The following F13A1 variants were observed in gnomAD, a reference collection of about 807,000 sequenced individuals.
The protein encoded by F13A1 is FSF, A subunit.
F13A1 carries 47 observed loss-of-function variants against 80.1 expected under a neutral mutation model. The ratio of observed to expected loss-of-function variants is 0.59; its 90% CI spans 0.46 to 0.75. The LOEUF (loss-of-function observed/expected upper bound fraction) is 0.75. Among genes scored for constraint, F13A1 ranks in the 30% least tolerant of loss-of-function variants. The probability of loss-of-function intolerance (pLI) is 0.00; values close to 1 mark genes in which losing one functional copy is unlikely to be tolerated. For synonymous variants in F13A1, 349 were observed against 344.9 expected, an observed-to-expected ratio of 1.01 and a Z score of -0.13; for missense variants, 817 against 930.4, an observed-to-expected ratio of 0.88 and a Z score of 1.59.
In F13A1 at chr6:6,238,715, C is replaced by CATATATATATAT. The variant is rs4053228; in HGVS notation, c.798+9585_798+9596dup. Reference sequence around the variant, plus strand: ...AATCAGTAGACTTGAAAACATGCTGCATATATATATATATATATAGCCAAT... The same window carrying CATATATATATAT: ...AATCAGTAGACTTGAAAACATGCTGCATATATATATATATATATATATATATATATAGCCAAT... On this transcript the variant is annotated intron_variant, in intron 6 of 14. Transcript: ENST00000264870. Among the ~76,000 whole-genome samples the CATATATATATAT allele has an allele frequency of 1.2e-3, 182 of 146,038 alleles. 2 individuals carry two copies. Among genetic ancestry groups the CATATATATATAT allele is most frequent in the African/African-American group, 4.2e-3 (163 of 39,244 alleles).
chr6:6,251,557 C>A (rs991472371), intron 4 of F13A1, among the ~76,000 whole-genome samples: 1 of 152,128 alleles, frequency 6.6e-6, no homozygotes, highest in Non-Finnish European at 1.5e-5. Context: ...GGAGGATCAT[C>A]CTCCCCGTCT....
At chr6:6,228,392 C>T (rs1757305772) in intron 6 of F13A1, among the ~76,000 whole-genome samples, 1 of 152,066 alleles carries the variant, frequency 6.6e-6, no homozygotes, top group Non-Finnish European at 1.5e-5. Flanking sequence ...AGCTAGTCAA[C>T]AAAAACCTGA....
intron 4 of F13A1, among the ~76,000 whole-genome samples, chr6:6,260,469 C>T (rs1319528176): frequency 6.6e-6 from 1 of 152,180 alleles, no homozygotes; most frequent in Non-Finnish European, 1.5e-5. Flanking sequence ...CAGTCTCACC[C>T]CTCTCTTTTG....
intron 3 of F13A1, among the ~76,000 whole-genome samples, chr6:6,289,570 A>G (rs1758193511): frequency 6.6e-6 from 1 of 152,186 alleles, no homozygotes; most frequent in Admixed American, 6.5e-5. Flanking sequence ...ATCATTTATT[A>G]GTGAGATTTT....
chr6:6,167,727 G>T, intron 12 of F13A1, 109 bp from the exon 13 acceptor site: 1 of 1,256,302 alleles, frequency 8.0e-7, no homozygotes, highest in Non-Finnish European at 1.1e-6. Context: ...AAGCCACCAG[G>T]AACACAGCAA....
intron 12 of F13A1, among the ~76,000 whole-genome samples, chr6:6,173,982 T>C (rs1760827525): frequency 6.6e-6 from 1 of 152,204 alleles, no homozygotes; most frequent in Non-Finnish European, 1.5e-5. Context: ...TGCAGCTGGC[T>C]CATGGACCAC....
chr6:6,278,534 T>C (rs563925940), intron 3 of F13A1, among the ~76,000 whole-genome samples: 35 of 151,506 alleles, frequency 2.3e-4, no homozygotes, highest in African/African-American at 8.2e-4. Flanking sequence ...AGCAGGGGAA[T>C]TGGGGGAGGT....
chr6:6,292,948 A>T (rs1409330713), intron 3 of F13A1, among the ~76,000 whole-genome samples: 1 of 152,216 alleles, frequency 6.6e-6, no homozygotes, highest in Non-Finnish European at 1.5e-5. Context: ...AGGGTAGCAA[A>T]TGAAACATAA....
chr6:6,272,261 T>A (rs1757931264), intron 3 of F13A1, among the ~76,000 whole-genome samples: 1 of 152,214 alleles, frequency 6.6e-6, no homozygotes, highest in Non-Finnish European at 1.5e-5. Flanking sequence ...TCCTAGGTGG[T>A]GATTAGGTTC....
At chr6:6,158,363 T>C (rs1490100491) in intron 13 of F13A1, among the ~76,000 whole-genome samples, 1 of 152,170 alleles carries the variant, frequency 6.6e-6, no homozygotes, top group Non-Finnish European at 1.5e-5. Context: ...GGCCTCAGCT[T>C]CTTATGCAGT....
chr6:6,285,888 CA>C (rs2113149593), intron 3 of F13A1, among the ~76,000 whole-genome samples: 1 of 152,294 alleles, frequency 6.6e-6, no homozygotes. Context: ...CACTAAGAGC[CA>C]AAATGGCGGA....
chr6:6,260,463 C>G lies in F13A1; in HGVS notation c.571+6095G>C, dbSNP rs78282442. 6.3e-3 allele frequency among the ~76,000 whole-genome samples: 956 copies of G among 152,276 alleles called. 9 individuals are homozygous for G. Among genetic ancestry groups the G allele is most frequent in the African/African-American group, 0.022 (908 of 41,556 alleles). The stretch of plus-strand genomic sequence containing the variant: ...CTATCTTTTTCACTTGGGCGACAGT[C>G]TCACCCCTCTCTTTTGACCTACTTT... On this transcript the variant is annotated intron_variant, in intron 4 of 14. Coordinates refer to ENST00000264870, the MANE Select transcript of F13A1 (RefSeq NM_000129.4).
intron 3 of F13A1, among the ~76,000 whole-genome samples, chr6:6,302,382 A>G (rs1758446391): frequency 6.6e-6 from 1 of 152,200 alleles, no homozygotes; most frequent in African/African-American, 2.4e-5. Context: ...CCTAGGCTAT[A>G]TGGCAGAGCC....
At chr6:6,206,578 T>C in intron 8 of F13A1, 1 of 508,294 alleles carries the variant, frequency 2.0e-6, no homozygotes. Flanking sequence ...TTGGAGACAT[T>C]CCAGCAGCAG....
chr6:6,195,236 G>T (rs914718789), intron 10 of F13A1, among the ~76,000 whole-genome samples: 1 of 152,224 alleles, frequency 6.6e-6, no homozygotes, highest in African/African-American at 2.4e-5. Context: ...CAACCCTGTA[G>T]GTGGGCTGTA....
chr6:6,300,614 A>G (rs1006043462), intron 3 of F13A1, among the ~76,000 whole-genome samples: 19 of 152,076 alleles, frequency 1.2e-4, no homozygotes, highest in African/African-American at 4.6e-4. Context: ...CGCACAGTGC[A>G]CGCACCCACT....
Position 6,224,705 on chromosome 6 carries a change from A to G in F13A1, c.954T>C (p.Phe318=). The G allele has an allele frequency of 6.2e-7, 1 of 1,614,076 alleles. No individual in the cohort carries two copies. The highest frequency in any genetic ancestry group is 8.5e-7 in the Non-Finnish European group (1 of 1,179,900). The change falls in exon 7 of 15, where the codon TTT becomes TTC. Residue 318 remains phenylalanine (F), a synonymous_variant. Coordinates refer to ENST00000264870, the MANE Select transcript of F13A1 (RefSeq NM_000129.4). The part of the protein sequence containing the change: ...NPVRYGQCWV[F]AGVFNTFLRC... The stretch of plus-strand genomic sequence containing the variant: ...ACTTACATGTGTTAAAGACACCAGC[A>G]AAAACCCAGCATTGGCCATACCGGA...
At position 6,222,082 on chromosome 6, in the gene F13A1, G is replaced by C. The variant is rs748375844; in HGVS notation, c.1063C>G (p.Leu355Val). Residue 355 changes from leucine (L) to valine (V), a missense_variant, in exon 8 of 15, where the codon CTG becomes GTG. Coordinates refer to ENST00000264870, the MANE Select transcript of F13A1 (RefSeq NM_000129.4). ...NDANLQMDIF[L>V]EEDGNVNSKL... ...GAATTCACGTTCCCATCTTCTTCCA[G>C]GAAGATGTCCATTTGCAAATTGGCA... 3 of 1,613,842 alleles carry C rather than the reference G, an allele frequency of 1.9e-6. No individual in the cohort carries two copies. The highest frequency in any genetic ancestry group is 1.3e-5 in the African/African-American group (1 of 74,914).
chr6:6,178,109 C>T (rs2151076138), intron 11 of F13A1, among the ~76,000 whole-genome samples: 1 of 150,974 alleles, frequency 6.6e-6, no homozygotes, highest in Admixed American at 6.6e-5. Context: ...TCAGATATTA[C>T]TTTGGCAGCA....
Sources: gnomAD v4.1 joint callset for allele counts (sites outside exome capture counted in the v4.1 genomes callset) on GRCh38, gnomAD v4.1.1 for gene constraint, MANE v1.5 for transcripts, NCBI Gene and HGNC (gene_info 2026-07-23, HGNC 2026-07-21) for gene names.